The following TRHDE variants were observed in gnomAD, a reference collection of about 807,000 sequenced individuals.
The protein encoded by TRHDE is thyrotropin releasing hormone degrading enzyme, also known as thyrotropin-releasing hormone-degrading ectoenzyme.
A neutral mutation model predicts 125.7 loss-of-function variants in TRHDE; 72 were observed. The observed-to-expected ratio is 0.57, with a 90% confidence interval of 0.47 to 0.70. The LOEUF is 0.70. Among genes scored for constraint, TRHDE ranks in the 30% least tolerant of loss-of-function variants. The pLI is 0.00. For missense variants in TRHDE, 1,110 were observed against 1,327.1 expected (o/e 0.84, Z 2.54); for synonymous variants, 509 against 509.1 (o/e 1.00, Z 0.00).
At chr12:72,176,082 T>C (rs551844034) in intron 2 of TRHDE, among the ~76,000 whole-genome samples, 6 of 152,182 alleles carry the variant, frequency 3.9e-5, no homozygotes, top group Admixed American at 6.5e-5. Flanking sequence ...TCCGGCCAGG[T>C]ATGGTGGCTC....
chr12:72,315,296 C>A (rs75692842), intron 2 of TRHDE, among the ~76,000 whole-genome samples: 2 of 152,040 alleles, frequency 1.3e-5, no homozygotes, highest in African/African-American at 4.8e-5. Flanking sequence ...CTAAGGATTG[C>A]TTTTTGCTAA....
At chr12:72,396,691 C>T (rs1410766056) in intron 3 of TRHDE, among the ~76,000 whole-genome samples, 2 of 152,132 alleles carry the variant, frequency 1.3e-5, no homozygotes, top group Non-Finnish European at 2.9e-5. Flanking sequence ...TTGCAGTGAG[C>T]CGAGATTGCG....
chr12:72,093,082 G>A (rs943013161), intron 1 of TRHDE, among the ~76,000 whole-genome samples: 1 of 152,180 alleles, frequency 6.6e-6, no homozygotes. Context: ...ATACTTTATT[G>A]AAAATTAGAA....
At chr12:72,506,165 G>C (rs1178377044) in intron 6 of TRHDE, among the ~76,000 whole-genome samples, 1 of 151,940 alleles carries the variant, frequency 6.6e-6, no homozygotes, top group Non-Finnish European at 1.5e-5. Context: ...TTTTAAATTA[G>C]CTAGGCATCA....
upstream of TRHDE, among the ~76,000 whole-genome samples, chr12:72,268,127 C>T (rs200192001): frequency 1.3e-4 from 20 of 152,218 alleles, no homozygotes; most frequent in East Asian, 3.1e-3. Flanking sequence ...ATGGCGGCAC[C>T]ACTTCAGCTG....
chr12:72,613,959 C>T (rs1565810424), intron 12 of TRHDE, among the ~76,000 whole-genome samples: 1 of 152,062 alleles, frequency 6.6e-6, no homozygotes, highest in Non-Finnish European at 1.5e-5. Context: ...GGGGAGGCCT[C>T]AGGAAACTTT....
chr12:72,429,321 T>G (rs1254533733), intron 3 of TRHDE, among the ~76,000 whole-genome samples: 1 of 146,412 alleles, frequency 6.8e-6, no homozygotes, highest in Non-Finnish European at 1.5e-5. Context: ...TCTGCACACG[T>G]AACCCAGAAT....
At chr12:72,277,383 C>T (rs1233527871) in intron 1 of TRHDE, among the ~76,000 whole-genome samples, 1 of 152,080 alleles carries the variant, frequency 6.6e-6, no homozygotes, top group East Asian at 1.9e-4. Context: ...ACAAGAAATT[C>T]ACTACATTAT....
rs561908540 is a variant in TRHDE at position 72,504,243 on chromosome 12, A to G, written c.1722+4608A>G. Among the ~76,000 whole-genome samples the G allele has an allele frequency of 9.1e-4, 139 of 152,272 alleles. 1 individual carries two copies. The highest frequency in any genetic ancestry group is 7.9e-4 in the Non-Finnish European group (54 of 68,002). On this transcript the variant is annotated intron_variant, in intron 6 of 18. Coordinates refer to ENST00000261180, the MANE Select transcript of TRHDE (RefSeq NM_013381.3). ...TAGCAGAATGTGAATTCTGGGTAGCAGATAGGCTGGAAGAATAAGCTGGAT... is the reference window on the plus strand; with the variant it reads ...TAGCAGAATGTGAATTCTGGGTAGCGGATAGGCTGGAAGAATAAGCTGGAT...
intron 3 of TRHDE, among the ~76,000 whole-genome samples, chr12:72,415,579 G>A (rs1694299445): frequency 6.7e-6 from 1 of 149,948 alleles, no homozygotes; most frequent in African/African-American, 2.5e-5. Context: ...TCATTCTACT[G>A]TCTCTCTCCA....
rs557722248 is a variant in TRHDE at position 72,272,502 on chromosome 12, G to T, written c.-142G>T. ...CTGCCGTCGCTTGTGTCCAGAACCC[G>T]TCTTAAAAGAACCCGGGCCAGCATC... On this transcript the variant is annotated 5_prime_UTR_variant, in exon 1 of 19. Coordinates refer to ENST00000261180, the MANE Select transcript of TRHDE (RefSeq NM_013381.3). The surrounding 1 kb of genome is among the most constrained non-coding windows in gnomAD (Gnocchi z 6.7). The T allele has an allele frequency of 3.1e-5, 17 of 545,578 alleles. No homozygotes were observed. The Admixed American group carries it at 3.3e-4, about 11-fold the overall frequency. 33.8% of individuals were successfully genotyped at this position (545,578 alleles called of 1,614,324 possible).
At chr12:72,094,680 A>C (rs934264981) in intron 1 of TRHDE, among the ~76,000 whole-genome samples, 1 of 152,250 alleles carries the variant, frequency 6.6e-6, no homozygotes, top group African/African-American at 2.4e-5. Flanking sequence ...ATTAGTAGGC[A>C]TGACTGCATC....
At chr12:72,466,748 C>T (rs1197368725) in intron 3 of TRHDE, among the ~76,000 whole-genome samples, 1 of 152,146 alleles carries the variant, frequency 6.6e-6, no homozygotes, top group East Asian at 1.9e-4. Context: ...ACAAGCTAGC[C>T]TCTACCATTA....
At chr12:72,593,342 T>C (rs2136049958) in intron 12 of TRHDE, among the ~76,000 whole-genome samples, 1 of 152,330 alleles carries the variant, frequency 6.6e-6, no homozygotes, top group Non-Finnish European at 1.5e-5. Context: ...TATTATTAAA[T>C]GTAAGAGTTG....
intron 2 of TRHDE, among the ~76,000 whole-genome samples, chr12:72,348,492 T>A (rs1870434425): frequency 6.6e-6 from 1 of 152,042 alleles, no homozygotes; most frequent in Non-Finnish European, 1.5e-5. Flanking sequence ...TTTTTTCTGG[T>A]GTGAAATATT....
chr12:72,304,719 T>C (rs1474849183), intron 2 of TRHDE, among the ~76,000 whole-genome samples: 1 of 152,278 alleles, frequency 6.6e-6, no homozygotes, highest in African/African-American at 2.4e-5. Context: ...GTTACTCTCA[T>C]CTGAAATTTT....
chr12:72,288,513 T>C (rs969264595), intron 2 of TRHDE, among the ~76,000 whole-genome samples: 2 of 152,194 alleles, frequency 1.3e-5, no homozygotes, highest in Non-Finnish European at 2.9e-5. Context: ...ATTTCTCTGA[T>C]GTTCATTGAT....
At chr12:72,269,386 C>G (rs571036043), upstream of TRHDE, among the ~76,000 whole-genome samples, 3 of 152,244 alleles carry the variant, frequency 2.0e-5, no homozygotes, top group Non-Finnish European at 2.9e-5. Flanking sequence ...TATTAATAAT[C>G]TTATGTCCAC....
At chr12:72,103,160 C>T (rs923632100) in intron 1 of TRHDE, among the ~76,000 whole-genome samples, 9 of 152,170 alleles carry the variant, frequency 5.9e-5, no homozygotes, top group African/African-American at 2.2e-4. Flanking sequence ...AATTAGGTCT[C>T]ATTTGGAAAT....
Sources: allele counts gnomAD v4.1 joint callset (sites outside exome capture counted in the v4.1 genomes callset), GRCh38; gene constraint gnomAD v4.1.1; non-coding constraint Gnocchi (gnomAD v3.1); transcripts MANE v1.5; gene names NCBI Gene and HGNC (gene_info 2026-07-23, HGNC 2026-07-21).